EFCAB14: variants seen among roughly 807,000 people sequenced by gnomAD.
EFCAB14 encodes the protein EF-hand calcium-binding domain-containing protein 14.
Under a neutral mutation model 56.5 loss-of-function variants are expected in EFCAB14, and 43 were observed. The observed-to-expected ratio is 0.76, with a 90% CI of 0.60 to 0.98. EFCAB14 has a LOEUF of 0.98. Ranked by LOEUF, EFCAB14 falls within the 50% of genes least tolerant of loss-of-function variation. The pLI, the probability that EFCAB14 is intolerant of heterozygous loss-of-function variation, is 0.00. For missense variants in EFCAB14, 538 were observed against 580.3 expected (o/e 0.93, Z 0.75); for synonymous variants, 235 against 212.9 (o/e 1.10, Z -0.90).
intron 3 of EFCAB14, among the ~76,000 whole-genome samples, chr1:46,702,375 T>C (rs1677170865): frequency 6.6e-6 from 1 of 152,232 alleles, no homozygotes; most frequent in Admixed American, 6.5e-5. Flanking sequence ...CTTTCAGCTT[T>C]ATCTACTGAG....
chr1:46,718,231 G>A lies in EFCAB14; in HGVS notation c.-144C>T. 1 of 735,680 alleles carries A rather than the reference G, an allele frequency of 1.4e-6. No individual in the cohort carries two copies. 45.6% of individuals were successfully genotyped at this position (735,680 alleles called of 1,614,324 possible). ...CCTGGTCACTCCCACCTAGGGGTGG[G>A]ACTGACCAGATCCGCCAGGGACTGG... On this transcript the variant is annotated 5_prime_UTR_variant, in exon 1 of 11. Coordinates refer to ENST00000371933, the MANE Select transcript of EFCAB14 (RefSeq NM_014774.3).
In EFCAB14 at chr1:46,683,692, A is replaced by G. The variant is rs576940453; in HGVS notation, c.1187-267T>C. On this transcript the variant is annotated intron_variant, in intron 9 of 10. Coordinates refer to ENST00000371933, the MANE Select transcript of EFCAB14 (RefSeq NM_014774.3). Reference sequence around the variant, plus strand: ...CTTACAGTACAAGCTAGCATTAAACATGTTTAGATGGTAAGAGCTTAAGCT... The same window carrying G: ...CTTACAGTACAAGCTAGCATTAAACGTGTTTAGATGGTAAGAGCTTAAGCT... Among the ~76,000 whole-genome samples, 3 of 152,294 alleles carry G rather than the reference A, an allele frequency of 2.0e-5. No homozygotes were observed. In the South Asian group the frequency reaches 6.2e-4, roughly 32 times the overall value.
At chr1:46,700,057 C>T (rs4553120) in intron 3 of EFCAB14, among the ~76,000 whole-genome samples, 122,407 of 152,116 alleles carry the variant, frequency 0.8, 49,420 homozygotes, top group East Asian at 0.91. Flanking sequence ...TATAAAGACC[C>T]GGATGACATC....
rs138798404 is a variant in EFCAB14 at position 46,681,716 on chromosome 1, C to T, written c.1312+1584G>A. On this transcript the variant is annotated intron_variant, in intron 10 of 10. Transcript: ENST00000371933. ...TGAGTTTATACAACATGCTACACTACGCACTTGGTAGCAGTATTCAAATAA... is the reference window on the plus strand; with the variant it reads ...TGAGTTTATACAACATGCTACACTATGCACTTGGTAGCAGTATTCAAATAA... Among the ~76,000 whole-genome samples the T allele has an allele frequency of 6.7e-5, 10 of 149,880 alleles. No homozygotes were observed. The East Asian group carries it at 1.2e-3, about 18-fold the overall frequency.
chr1:46,697,662 C>T (rs1400095609), intron 3 of EFCAB14, among the ~76,000 whole-genome samples: 1 of 152,108 alleles, frequency 6.6e-6, no homozygotes, highest in Non-Finnish European at 1.5e-5. Context: ...CTACTCATTC[C>T]TTTAGCAAAT....
intron 3 of EFCAB14, among the ~76,000 whole-genome samples, chr1:46,705,726 T>C (rs902943705): frequency 3.9e-5 from 6 of 152,234 alleles, no homozygotes; most frequent in African/African-American, 1.4e-4. Context: ...ATAAATATTT[T>C]ACTTGCTTTT....
chr1:46,707,662 C>T (rs564450677), intron 3 of EFCAB14, among the ~76,000 whole-genome samples: 1 of 152,336 alleles, frequency 6.6e-6, no homozygotes, highest in South Asian at 2.1e-4. Context: ...AACTTTCTCT[C>T]AACTGCTGTA....
chr1:46,676,431 T>G lies in EFCAB14; in HGVS notation c.*2030A>C, dbSNP rs894386203. ...AAGGTGTCTTCAAAGTATCTGCCTA[T>G]GAATAAGAATTTGAAACTAAAAAGG... On this transcript the variant is annotated 3_prime_UTR_variant, in exon 11 of 11. Transcript: ENST00000371933. The G allele has an allele frequency of 6.6e-6, 1 of 152,606 alleles. No homozygotes were observed. The highest frequency in any genetic ancestry group is 1.5e-5 in the Non-Finnish European group (1 of 68,034). 9.5% of individuals were successfully genotyped at this position (152,606 alleles called of 1,614,324 possible). A position where few individuals can be genotyped will look rare whatever the true frequency, so the allele number is the denominator to read the frequency against.
chr1:46,688,216 C>T, intron 7 of EFCAB14, 137 bp downstream of exon 7: 1 of 803,724 alleles, frequency 1.2e-6, no homozygotes. Flanking sequence ...AATGAGACAA[C>T]ACATTGTGAG....
chr1:46,694,616 T>C (rs1569706143), intron 4 of EFCAB14, among the ~76,000 whole-genome samples: 1 of 152,284 alleles, frequency 6.6e-6, no homozygotes, highest in South Asian at 2.1e-4. Flanking sequence ...AGGAACACTT[T>C]TACACTGTTG....
At chr1:46,694,622 T>C (rs371581995) in intron 4 of EFCAB14, among the ~76,000 whole-genome samples, 1 of 152,196 alleles carries the variant, frequency 6.6e-6, no homozygotes. Context: ...ACTTTTACAC[T>C]GTTGGTGGGA....
chr1:46,717,842 G>A, intron 1 of EFCAB14, 61 bp downstream of exon 1: 6 of 1,536,144 alleles, frequency 3.9e-6, no homozygotes, highest in Non-Finnish European at 5.3e-6. Flanking sequence ...TCCTGTCAAT[G>A]TGGCCCCTTG....
intron 3 of EFCAB14, among the ~76,000 whole-genome samples, chr1:46,700,042 C>T (rs1229563733): frequency 6.6e-6 from 1 of 152,162 alleles, no homozygotes; most frequent in Non-Finnish European, 1.5e-5. Context: ...GTCAGACCTC[C>T]AGGTTATAAA....
In EFCAB14 at chr1:46,718,078, G is replaced by A. The variant is rs1314810781; in HGVS notation, c.10C>T (p.Arg4Cys). Residue 4 changes from arginine to cysteine, a missense_variant, in exon 1 of 11, where the codon CGC becomes TGC. Arg to Cys is a radical substitution (Grantham distance 180, BLOSUM62 -3). Coordinates refer to ENST00000371933, the MANE Select transcript of EFCAB14 (RefSeq NM_014774.3). ...CCAATCAATGCATTGAGCTCTTTGC[G>A]CTTTTTCATCTTTTTGTGTGGGGTG... MKKRKELNALIGLA... is the reference protein window; with the variant it reads MKKCKELNALIGLA... 1 of 1,613,796 alleles carries A rather than the reference G, an allele frequency of 6.2e-7. No homozygotes were observed. The highest frequency in any genetic ancestry group is 1.3e-5 in the African/African-American group (1 of 74,992).
intron 2 of EFCAB14, among the ~76,000 whole-genome samples, chr1:46,709,124 T>G (rs945439142): frequency 1.1e-4 from 17 of 152,250 alleles, no homozygotes; most frequent in African/African-American, 3.9e-4. Flanking sequence ...TTTTGTTCAC[T>G]TCTACACTTA....
chr1:46,691,530 G>C (rs1676992155), intron 5 of EFCAB14, among the ~76,000 whole-genome samples: 1 of 152,166 alleles, frequency 6.6e-6, no homozygotes, highest in South Asian at 2.1e-4. Context: ...TAAACAATGA[G>C]ACACTTTTCC....
At chr1:46,688,228 A>T in intron 7 of EFCAB14, 125 bp downstream of exon 7, 1 of 885,882 alleles carries the variant, frequency 1.1e-6, no homozygotes, top group Non-Finnish European at 1.8e-6. Flanking sequence ...CATTGTGAGG[A>T]TTAAGCACAA....
At chr1:46,703,963 T>C (rs550869407) in intron 3 of EFCAB14, among the ~76,000 whole-genome samples, 26 of 152,338 alleles carry the variant, frequency 1.7e-4, no homozygotes, top group Admixed American at 1.4e-3. Flanking sequence ...TCTCTCTTTC[T>C]GTAGAATTCA....
At chr1:46,709,880 C>T (rs1382172829) in intron 2 of EFCAB14, among the ~76,000 whole-genome samples, 5 of 151,876 alleles carry the variant, frequency 3.3e-5, no homozygotes, top group African/African-American at 9.7e-5. Flanking sequence ...CCCAGTTACT[C>T]GGGAGGCTGA....
Sources: gnomAD v4.1 joint callset for allele counts (sites outside exome capture counted in the v4.1 genomes callset) on GRCh38, gnomAD v4.1.1 for gene constraint, MANE v1.5 for transcripts, NCBI Gene and HGNC (gene_info 2026-07-23, HGNC 2026-07-21) for gene names.